The following ASTN2 variants were observed in gnomAD, a reference collection of about 807,000 sequenced individuals.
The protein encoded by ASTN2 is astrotactin-2.
ASTN2 carries 54 observed loss-of-function variants against 139.8 expected under a neutral mutation model. The ratio of observed to expected loss-of-function variants is 0.39; its 90% confidence interval spans 0.31 to 0.48. The LOEUF (loss-of-function observed/expected upper bound fraction) is 0.48, where lower values mean the gene tolerates loss of function less well. Among genes scored for constraint, ASTN2 ranks in the 20% least tolerant of loss-of-function variants. The pLI, the probability that ASTN2 is intolerant of heterozygous loss-of-function variation, is 0.95. For missense variants in ASTN2, 1,565 were observed against 1,725.1 expected (o/e 0.91, Z 1.64); for synonymous variants, 756 against 719.5 (o/e 1.05, Z -0.81).
Position 116,859,105 on chromosome 9 carries a change from C to T in ASTN2, c.2040+4478G>A, listed in dbSNP as rs137937702. The stretch of plus-strand genomic sequence containing the variant: ...CTTCCTCCAACTTCACAGCTGGCAA[C>T]GCTGCCTCTCTCTACCCCACTCCTC... On this transcript the variant is annotated intron_variant, in intron 11 of 22. Coordinates refer to ENST00000313400, the MANE Select transcript of ASTN2 (RefSeq NM_001365068.1). 1.7e-3 allele frequency among the ~76,000 whole-genome samples: 266 copies of T among 152,334 alleles called. 1 individual carries two copies. The highest frequency in any genetic ancestry group is 5.6e-3 in the African/African-American group (233 of 41,578).
intron 19 of ASTN2, among the ~76,000 whole-genome samples, chr9:116,512,301 GTTGAGTGGTT>G (rs1850427191): frequency 6.6e-6 from 1 of 152,218 alleles, no homozygotes; most frequent in Non-Finnish European, 1.5e-5. Flanking sequence ...TTTCCAGGTA[GTTGAGTGGTT>G]TTGAGTGAGT....
chr9:116,618,233 C>T, intron 19 of ASTN2, 91 bp downstream of exon 19: 3 of 1,374,930 alleles, frequency 2.2e-6, no homozygotes, highest in Non-Finnish European at 3.0e-6. Context: ...CTTCCCAAGA[C>T]AGATGAGACC....
intron 11 of ASTN2, among the ~76,000 whole-genome samples, chr9:116,850,227 C>T (rs1832560979): frequency 1.3e-5 from 2 of 152,312 alleles, no homozygotes; most frequent in African/African-American, 2.4e-5. Context: ...AAGGCCTCCC[C>T]AGTAGCCTGT....
chr9:116,811,304 C>T (rs1306778527), intron 12 of ASTN2, among the ~76,000 whole-genome samples: 1 of 152,126 alleles, frequency 6.6e-6, no homozygotes, highest in African/African-American at 2.4e-5. Context: ...GTGGCTTTGC[C>T]CACACCCCAT....
Position 117,096,166 on chromosome 9 carries a change from A to G in ASTN2, c.1169-15T>C. The G allele has an allele frequency of 1.2e-6, 2 of 1,606,322 alleles. No individual in the cohort carries two copies. On this transcript the variant is annotated splice_polypyrimidine_tract_variant and intron_variant, in intron 4 of 22. Transcript: ENST00000313400. ...GCTGATTCCTCCTGTGAGTAAGCAC[A>G]GTCTATCAGTTAGTCTCCCAGGCCT...
At chr9:117,167,929 A>T (rs1377223121) in intron 3 of ASTN2, among the ~76,000 whole-genome samples, 1 of 152,162 alleles carries the variant, frequency 6.6e-6, no homozygotes, top group African/African-American at 2.4e-5. Flanking sequence ...TGGAGGTGAT[A>T]AGAACTGATC....
At chr9:116,439,625 A>G (rs1847781795) in intron 22 of ASTN2, among the ~76,000 whole-genome samples, 1 of 152,188 alleles carries the variant, frequency 6.6e-6, no homozygotes, top group Admixed American at 6.5e-5. Context: ...GAAAACTTCC[A>G]CTGTCATGTA....
At chr9:116,450,808 T>A (rs1848151625) in intron 20 of ASTN2, among the ~76,000 whole-genome samples, 1 of 152,184 alleles carries the variant, frequency 6.6e-6, no homozygotes, top group Non-Finnish European at 1.5e-5. Context: ...CTTTCCTGTC[T>A]CCCAACTCAA....
At chr9:116,587,864 C>A (rs1285002156) in intron 19 of ASTN2, among the ~76,000 whole-genome samples, 2 of 152,158 alleles carry the variant, frequency 1.3e-5, no homozygotes, top group Non-Finnish European at 2.9e-5. Context: ...ATATTCTATG[C>A]CCAGGCCCTT....
At chr9:117,373,516 A>T (rs1034919136) in intron 1 of ASTN2, among the ~76,000 whole-genome samples, 1 of 152,178 alleles carries the variant, frequency 6.6e-6, no homozygotes, top group African/African-American at 2.4e-5. Flanking sequence ...CCAGTGAAAT[A>T]TGCTCTTGTA....
intron 1 of ASTN2, among the ~76,000 whole-genome samples, chr9:117,408,776 T>C (rs535724571): frequency 7.8e-4 from 119 of 152,184 alleles, no homozygotes; most frequent in African/African-American, 2.8e-3. Context: ...TTGCTAATGG[T>C]TGAAATGAGC....
chr9:116,757,154 G>A (rs1311996535), intron 13 of ASTN2, among the ~76,000 whole-genome samples: 3 of 152,156 alleles, frequency 2.0e-5, no homozygotes, highest in Non-Finnish European at 4.4e-5. Flanking sequence ...CAGGTGGTGC[G>A]AAGTTGTGAG....
At position 116,869,884 on chromosome 9, in the gene ASTN2, G is replaced by A. The variant is rs113367302; in HGVS notation, c.1890-6151C>T. Among the ~76,000 whole-genome samples, 385 of 152,078 alleles carry A rather than the reference G, an allele frequency of 2.5e-3. 1 individual carries two copies. The highest frequency in any genetic ancestry group is 0.021 in the Middle Eastern group (6 of 292). On this transcript the variant is annotated intron_variant, in intron 10 of 22. Transcript: ENST00000313400. ...TTTGAGAGACTGAGGTGGGAGGATC[G>A]CTTGAGCCCAGGAGTTCAAGACCAG...
intron 2 of ASTN2, among the ~76,000 whole-genome samples, chr9:117,269,313 G>A (rs1179934983): frequency 6.6e-6 from 1 of 152,156 alleles, no homozygotes; most frequent in Non-Finnish European, 1.5e-5. Flanking sequence ...TAGCATAACA[G>A]GTGCCTTTGC....
At chr9:116,906,973 A>G (rs1834177938) in intron 10 of ASTN2, among the ~76,000 whole-genome samples, 5 of 152,182 alleles carry the variant, frequency 3.3e-5, no homozygotes, top group Admixed American at 3.3e-4. Context: ...TAATTATCTT[A>G]CAGTAACAAT....
intron 3 of ASTN2, among the ~76,000 whole-genome samples, chr9:117,154,624 C>T (rs1830394001): frequency 6.6e-6 from 1 of 152,166 alleles, no homozygotes; most frequent in East Asian, 1.9e-4. Flanking sequence ...ACCCTAGTTA[C>T]AAATTCTGCT....
chr9:117,290,153 C>G (rs1834552402), intron 2 of ASTN2, among the ~76,000 whole-genome samples: 1 of 152,148 alleles, frequency 6.6e-6, no homozygotes, highest in African/African-American at 2.4e-5. Flanking sequence ...TGGGCCATAG[C>G]CTCCTCATAT....
chr9:116,634,463 G>A (rs985312478), intron 17 of ASTN2, among the ~76,000 whole-genome samples: 1 of 151,690 alleles, frequency 6.6e-6, no homozygotes, highest in Non-Finnish European at 1.5e-5. Flanking sequence ...GGTAGCGGGC[G>A]CCTGTAGTCC....
intron 20 of ASTN2, among the ~76,000 whole-genome samples, chr9:116,485,280 G>A (rs575434654): frequency 6.6e-6 from 1 of 152,252 alleles, no homozygotes; most frequent in Admixed American, 6.5e-5. Context: ...TCAGAGGGAT[G>A]GGCAGCTCAC....
Sources: allele counts gnomAD v4.1 joint callset (sites outside exome capture counted in the v4.1 genomes callset), GRCh38; gene constraint gnomAD v4.1.1; transcripts MANE v1.5; gene names NCBI Gene and HGNC (gene_info 2026-07-23, HGNC 2026-07-21).